The following GRIN2B variants were observed in gnomAD, a reference collection of about 807,000 sequenced individuals.
GRIN2B encodes glutamate ionotropic receptor NMDA type subunit 2B, also known as glutamate receptor ionotropic, NMDA 2B.
A neutral mutation model predicts 114.5 loss-of-function variants in GRIN2B; 5 were observed. The ratio of observed to expected loss-of-function variants is 0.04; its 90% CI spans 0.02 to 0.09. The LOEUF is 0.09. Ranked by LOEUF, GRIN2B falls within the 10% of genes least tolerant of loss-of-function variation. The pLI is 1.00. For synonymous variants in GRIN2B, 787 were observed against 745.1 expected (o/e 1.06, Z -0.92); for missense variants, 1,108 against 1,943.5 (o/e 0.57, Z 8.08).
intron 5 of GRIN2B, among the ~76,000 whole-genome samples, chr12:13,646,688 T>C (rs77629223): frequency 1.3e-5 from 2 of 151,744 alleles, no homozygotes; most frequent in African/African-American, 4.9e-5. Flanking sequence ...TCTTCTCTTA[T>C]TTCCGTATTT....
At chr12:13,723,317 C>T (rs1208946696) in intron 4 of GRIN2B, among the ~76,000 whole-genome samples, 1 of 151,582 alleles carries the variant, frequency 6.6e-6, no homozygotes, top group East Asian at 1.9e-4. Flanking sequence ...TTTTAGTATA[C>T]AGTTCTAAGA....
At chr12:13,869,514 G>A (rs891035987) in intron 2 of GRIN2B, among the ~76,000 whole-genome samples, 21 of 151,600 alleles carry the variant, frequency 1.4e-4, no homozygotes, top group African/African-American at 4.8e-4. Context: ...CAACCTGCTG[G>A]GTACCAGATA....
chr12:13,791,228 C>T (rs1464218703), intron 3 of GRIN2B, among the ~76,000 whole-genome samples: 1 of 152,024 alleles, frequency 6.6e-6, no homozygotes, highest in Non-Finnish European at 1.5e-5. Flanking sequence ...CTTTGGGAGG[C>T]AAAGGCGGGC....
intron 3 of GRIN2B, among the ~76,000 whole-genome samples, chr12:13,842,117 G>T (rs1044051783): frequency 6.6e-6 from 1 of 152,108 alleles, no homozygotes; most frequent in Non-Finnish European, 1.5e-5. Context: ...GACTGCCACT[G>T]CCAGTATGGG....
chr12:13,941,259 G>A (rs1456799442), intron 2 of GRIN2B, among the ~76,000 whole-genome samples: 2 of 152,070 alleles, frequency 1.3e-5, no homozygotes, highest in African/African-American at 4.8e-5. Context: ...ACTCCTTTAT[G>A]TTCCCACATT....
intron 4 of GRIN2B, among the ~76,000 whole-genome samples, chr12:13,736,187 A>G (rs896082894): frequency 2.8e-5 from 4 of 144,640 alleles, no homozygotes; most frequent in Non-Finnish European, 6.0e-5. Context: ...GAACTCCTGG[A>G]TGTACCCTCA....
At chr12:13,582,516 C>T (rs886247819) in intron 10 of GRIN2B, among the ~76,000 whole-genome samples, 6 of 152,186 alleles carry the variant, frequency 3.9e-5, no homozygotes, top group Non-Finnish European at 7.3e-5. Context: ...TTATTATTAA[C>T]ATTAGTGCTA....
intron 5 of GRIN2B, among the ~76,000 whole-genome samples, chr12:13,658,640 T>C (rs987756716): frequency 1.3e-5 from 2 of 152,050 alleles, no homozygotes; most frequent in Non-Finnish European, 2.9e-5. Context: ...GAATTTATAT[T>C]TGGGTAAAAA....
At chr12:13,880,403 G>T (rs1266766725) in intron 2 of GRIN2B, among the ~76,000 whole-genome samples, 1 of 152,188 alleles carries the variant, frequency 6.6e-6, no homozygotes, top group Non-Finnish European at 1.5e-5. Flanking sequence ...CTCAGCTGGC[G>T]CTCGGACTTA....
chr12:13,846,985 C>T (rs924465847), intron 3 of GRIN2B, among the ~76,000 whole-genome samples: 1 of 152,022 alleles, frequency 6.6e-6, no homozygotes, highest in Non-Finnish European at 1.5e-5. Flanking sequence ...AGGCCAAACA[C>T]GTGTCGCGGT....
intron 3 of GRIN2B, among the ~76,000 whole-genome samples, chr12:13,865,545 T>C (rs1394036157): frequency 2.0e-5 from 3 of 151,962 alleles, no homozygotes; most frequent in African/African-American, 7.3e-5. Flanking sequence ...GGCAGGAGAA[T>C]CACTTGAACC....
intron 3 of GRIN2B, among the ~76,000 whole-genome samples, chr12:13,804,385 T>G (rs1478222732): frequency 6.6e-6 from 1 of 152,180 alleles, no homozygotes; most frequent in South Asian, 2.1e-4. Context: ...TTATGCCTTT[T>G]AGGTTCTCCA....
In GRIN2B at chr12:13,846,180, C is replaced by T. The variant is rs1039550823; in HGVS notation, c.411+19618G>A. On this transcript the variant is annotated intron_variant, in intron 3 of 13. Coordinates refer to ENST00000609686, the MANE Select transcript of GRIN2B (RefSeq NM_000834.5). ...TATAAAGCAAAGATGAGAACCAGAC[C>T]TCTTGATTTGGTAGTTTAGTTTAGG... is the stretch of plus-strand genomic sequence containing the variant. 3.9e-5 allele frequency among the ~76,000 whole-genome samples: 6 copies of T among 152,258 alleles called. No individual in the cohort carries two copies. The South Asian group carries it at 1.0e-3, about 26-fold the overall frequency.
chr12:13,869,232 TTTTTTTTTC>T (rs1443589146), intron 2 of GRIN2B, among the ~76,000 whole-genome samples: 2 of 137,250 alleles, frequency 1.5e-5, no homozygotes, highest in African/African-American at 2.8e-5. Context: ...TTTCTTTTTC[TTTTTTTTTC>T]TTTTTTTTTT....
intron 10 of GRIN2B, among the ~76,000 whole-genome samples, chr12:13,599,492 G>T (rs1302123455): frequency 6.6e-6 from 1 of 152,138 alleles, no homozygotes; most frequent in Non-Finnish European, 1.5e-5. Flanking sequence ...TTTCCATGCT[G>T]CATTAATTTG....
rs202231405 is a variant in GRIN2B at position 13,562,585 on chromosome 12, G to C, written c.*198C>G. 8 of 603,086 alleles carry C rather than the reference G, an allele frequency of 1.3e-5. No homozygotes were observed. Among genetic ancestry groups the C allele is most frequent in the Non-Finnish European group, 2.1e-5 (7 of 339,154 alleles). The allele number at this position is 603,086 out of a possible 1,614,324, so 37.4% of individuals were successfully genotyped here. On this transcript the variant is annotated 3_prime_UTR_variant, in exon 14 of 14. Coordinates refer to ENST00000609686, the MANE Select transcript of GRIN2B (RefSeq NM_000834.5). Reference sequence around the variant, plus strand: ...CAGCGGGGGGAAGAAGGAGAGAACTGTGAAAAGGAGGAGAGATGGTGCTGG... The same window carrying C: ...CAGCGGGGGGAAGAAGGAGAGAACTCTGAAAAGGAGGAGAGATGGTGCTGG...
At chr12:13,809,495 T>C (rs770104055) in intron 3 of GRIN2B, among the ~76,000 whole-genome samples, 1 of 152,170 alleles carries the variant, frequency 6.6e-6, no homozygotes, top group Non-Finnish European at 1.5e-5. Context: ...GCTGCTTATA[T>C]AGGAGATATT....
chr12:13,673,074 T>C (rs1053439038), intron 5 of GRIN2B, among the ~76,000 whole-genome samples: 1 of 152,108 alleles, frequency 6.6e-6, no homozygotes, highest in African/African-American at 2.4e-5. Flanking sequence ...TGGACAACTC[T>C]AACAAGAGGC....
intron 2 of GRIN2B, among the ~76,000 whole-genome samples, chr12:13,958,746 T>TCTCCTACTCCTCATCCTC (rs1433781129): frequency 3.9e-5 from 6 of 152,038 alleles, no homozygotes; most frequent in Non-Finnish European, 5.9e-5. Context: ...TCTTTCTCCT[T>TCTCCTACTCCTCATCCTC]CTCCTACTCC....
Sources: allele counts gnomAD v4.1 joint callset (sites outside exome capture counted in the v4.1 genomes callset), GRCh38; gene constraint gnomAD v4.1.1; transcripts MANE v1.5; gene names NCBI Gene and HGNC (gene_info 2026-07-23, HGNC 2026-07-21).